PPM1L: variants seen among roughly 807,000 people sequenced by gnomAD.
The protein encoded by PPM1L is protein phosphatase, Mg2+/Mn2+ dependent 1L.
A neutral mutation model predicts 31.4 loss-of-function variants in PPM1L; 13 were observed. The ratio of observed to expected loss-of-function variants is 0.41; its 90% CI spans 0.27 to 0.66. The LOEUF is 0.66. PPM1L is among the 30% of genes least tolerant of loss of function. The pLI is 0.29. For missense variants in PPM1L, 326 were observed against 453.7 expected (o/e 0.72, Z 2.56); for synonymous variants, 184 against 175.4 (o/e 1.05, Z -0.39).
At chr3:160,795,841 C>T (rs939140423) in intron 1 of PPM1L, among the ~76,000 whole-genome samples, 12 of 152,210 alleles carry the variant, frequency 7.9e-5, no homozygotes, top group African/African-American at 1.4e-4. Context: ...CTTACCTCTT[C>T]GTGAAGCCTC....
chr3:161,045,968 A>T (rs148107532), intron 2 of PPM1L, among the ~76,000 whole-genome samples: 1 of 151,716 alleles, frequency 6.6e-6, no homozygotes, highest in Admixed American at 6.6e-5. Context: ...AAAATTAGCC[A>T]GGCGTGGTGG....
rs1720072024 is a variant in PPM1L, at chr3:161,075,609, G to A, written c.*6452G>A. 3 of 152,156 alleles carry A rather than the reference G, an allele frequency of 2.0e-5. 1 individual carries two copies. The South Asian group carries it at 6.2e-4, about 31-fold the overall frequency. 9.4% of individuals were successfully genotyped at this position (152,156 alleles called of 1,614,324 possible). ...TAAAAAATTGTAAAATCAGTTTCCAGTGTGGTCAAAATTAGAATGTAAAGG... is the reference window on the plus strand; with the variant it reads ...TAAAAAATTGTAAAATCAGTTTCCAATGTGGTCAAAATTAGAATGTAAAGG... On this transcript the variant is annotated 3_prime_UTR_variant, in exon 4 of 4. Transcript: ENST00000498165.
At chr3:160,826,793 AT>A (rs1420951746) in intron 1 of PPM1L, among the ~76,000 whole-genome samples, 2 of 152,182 alleles carry the variant, frequency 1.3e-5, no homozygotes, top group Non-Finnish European at 2.9e-5. Context: ...GCATTGCAAA[AT>A]TTGACTTAGT....
intron 1 of PPM1L, among the ~76,000 whole-genome samples, chr3:160,910,230 T>C (rs1165819894): frequency 2.6e-5 from 2 of 77,710 alleles, no homozygotes; most frequent in African/African-American, 1.1e-4. Context: ...CCCTTTCCTT[T>C]CCCCTTCCCC....
chr3:160,882,871 C>G (rs1712773482), intron 1 of PPM1L, among the ~76,000 whole-genome samples: 1 of 152,132 alleles, frequency 6.6e-6, no homozygotes. Context: ...CAGTCTTGTT[C>G]TTATCTGTTT....
chr3:161,009,263 A>G (rs1374034584), intron 2 of PPM1L, among the ~76,000 whole-genome samples: 6 of 152,234 alleles, frequency 3.9e-5, no homozygotes, highest in Non-Finnish European at 5.9e-5. Context: ...GGTAAGGCCA[A>G]TTCACTGGAT....
At chr3:160,763,737 T>A (rs531854295) in intron 1 of PPM1L, among the ~76,000 whole-genome samples, 4 of 152,152 alleles carry the variant, frequency 2.6e-5, no homozygotes, top group East Asian at 3.9e-4. Context: ...GAGGATTGAT[T>A]TGAACTAACA....
chr3:160,802,276 G>T (rs1459600923), intron 1 of PPM1L, among the ~76,000 whole-genome samples: 1 of 152,112 alleles, frequency 6.6e-6, no homozygotes, highest in Non-Finnish European at 1.5e-5. Context: ...ACCCTGGTCA[G>T]TGATCTGTGA....
rs1311942847 is a variant in PPM1L, at chr3:161,075,014, A to G, written c.*5857A>G. On this transcript the variant is annotated 3_prime_UTR_variant, in exon 4 of 4. Transcript: ENST00000498165. Reference sequence around the variant, plus strand: ...AAAAACCTCCGAGGACATTGAGCACAAGCAGATTACTGTAAGGGCACTGGT... The same window carrying G: ...AAAAACCTCCGAGGACATTGAGCACGAGCAGATTACTGTAAGGGCACTGGT... 6.6e-6 allele frequency: 1 copy of G among 152,134 alleles called. No individual in the cohort carries two copies. The highest frequency in any genetic ancestry group is 1.5e-5 in the Non-Finnish European group (1 of 68,040). 9.4% of individuals were successfully genotyped at this position (152,134 alleles called of 1,614,324 possible).
intron 1 of PPM1L, among the ~76,000 whole-genome samples, chr3:160,920,646 C>CAA (rs1714371775): frequency 6.6e-6 from 1 of 150,670 alleles, no homozygotes; most frequent in Non-Finnish European, 1.5e-5. Context: ...CACTCACACA[C>CAA]ACACACACAC....
intron 1 of PPM1L, among the ~76,000 whole-genome samples, chr3:160,805,505 TGA>T (rs758988612): frequency 1.3e-5 from 2 of 152,146 alleles, no homozygotes; most frequent in Non-Finnish European, 2.9e-5. Flanking sequence ...GTGGATCACT[TGA>T]GGTCAGGAGT....
chr3:160,872,964 A>G (rs891076363), intron 1 of PPM1L, among the ~76,000 whole-genome samples: 1 of 152,206 alleles, frequency 6.6e-6, no homozygotes, highest in Non-Finnish European at 1.5e-5. Flanking sequence ...TATACTGTTT[A>G]TGATGTGAGG....
intron 1 of PPM1L, among the ~76,000 whole-genome samples, chr3:160,863,832 G>A (rs1036514152): frequency 6.6e-6 from 1 of 152,034 alleles, no homozygotes; most frequent in African/African-American, 2.4e-5. Context: ...TTAATTATAG[G>A]GTATACATAG....
chr3:160,950,740 A>G (rs1240978858), intron 1 of PPM1L, among the ~76,000 whole-genome samples: 2 of 152,208 alleles, frequency 1.3e-5, no homozygotes, highest in Non-Finnish European at 2.9e-5. Context: ...CTACCTTCTA[A>G]GCAGCTGCTC....
intron 2 of PPM1L, among the ~76,000 whole-genome samples, chr3:161,028,358 G>A (rs1232497494): frequency 6.6e-6 from 1 of 152,144 alleles, no homozygotes; most frequent in Non-Finnish European, 1.5e-5. Flanking sequence ...CACTCAGGCT[G>A]GGAATAAAAA....
intron 1 of PPM1L, among the ~76,000 whole-genome samples, chr3:160,912,499 A>G (rs114088487): frequency 0.01 from 1,559 of 152,266 alleles, 26 homozygotes; most frequent in African/African-American, 0.036. Context: ...AGGATTCTGT[A>G]TTGGGAGAGC....
chr3:160,875,538 G>T (rs573386984), intron 1 of PPM1L, among the ~76,000 whole-genome samples: 10 of 152,214 alleles, frequency 6.6e-5, no homozygotes, highest in African/African-American at 2.2e-4. Context: ...TTTTCTTTTG[G>T]ATTTGATATT....
chr3:160,866,620 A>G (rs763564181), intron 1 of PPM1L, among the ~76,000 whole-genome samples: 1 of 152,318 alleles, frequency 6.6e-6, no homozygotes, highest in East Asian at 1.9e-4. Context: ...AACCACTTTA[A>G]TGGAGCTCTT....
chr3:160,797,308 G>C (rs1224578937), intron 1 of PPM1L, among the ~76,000 whole-genome samples: 1 of 152,098 alleles, frequency 6.6e-6, no homozygotes, highest in East Asian at 1.9e-4. Context: ...ACCCATAGAA[G>C]ACAATGAACT....
Sources: allele counts gnomAD v4.1 joint callset (sites outside exome capture counted in the v4.1 genomes callset), GRCh38; gene constraint gnomAD v4.1.1; transcripts MANE v1.5; gene names NCBI Gene and HGNC (gene_info 2026-07-23, HGNC 2026-07-21).